DLEU7: variants seen among roughly 807,000 people sequenced by gnomAD.
DLEU7 encodes the protein deleted in lymphocytic leukemia 7.
DLEU7 carries 17 observed loss-of-function variants against 16.0 expected under a neutral mutation model. The ratio of observed to expected loss-of-function variants is 1.06; its 90% confidence interval spans 0.73 to 1.59. The LOEUF is 1.59. DLEU7 is among the 40% of genes most tolerant of loss of function. The pLI, the probability that DLEU7 is intolerant of heterozygous loss-of-function variation, is 0.00. For missense variants in DLEU7, 308 were observed against 314.9 expected, an observed-to-expected ratio of 0.98 and a Z score of 0.17; for synonymous variants, 113 against 139.8, an observed-to-expected ratio of 0.81 and a Z score of 1.35.
At chr13:50,730,667 G>A (rs962825744) in intron 1 of DLEU7, among the ~76,000 whole-genome samples, 30 of 152,094 alleles carry the variant, frequency 2.0e-4, no homozygotes, top group African/African-American at 7.2e-4. Context: ...AATTTCTGTG[G>A]TTGTGTTTCA....
chr13:50,789,707 G>A (rs1875893766), intron 1 of DLEU7, among the ~76,000 whole-genome samples: 1 of 152,052 alleles, frequency 6.6e-6, no homozygotes, highest in Admixed American at 6.5e-5. Context: ...ATTATAGAAT[G>A]TTAGCCCTAT....
rs372108334 is a variant in DLEU7 at position 50,833,843 on chromosome 13, T to C, written c.459+9345A>G. On this transcript the variant is annotated intron_variant, in intron 1 of 1. Coordinates refer to ENST00000504404, the MANE Select transcript of DLEU7 (RefSeq NM_001306135.2). ...CATGGTACTGGTACCAAAACAGATA[T>C]ATAGACAAATGGAACAGAACAGAGG... is the stretch of plus-strand genomic sequence containing the variant. Among the ~76,000 whole-genome samples, 10 of 152,214 alleles carry C rather than the reference T, an allele frequency of 6.6e-5. No individual in the cohort carries two copies. In the East Asian group the frequency reaches 1.4e-3, roughly 21 times the overall value.
At chr13:50,738,011 T>C (rs185385968) in intron 1 of DLEU7, among the ~76,000 whole-genome samples, 146 of 152,260 alleles carry the variant, frequency 9.6e-4, no homozygotes, top group African/African-American at 3.4e-3. Context: ...AAGAAAGTGA[T>C]TGCTTATTGC....
intron 1 of DLEU7, among the ~76,000 whole-genome samples, chr13:50,752,348 GC>G (rs1874595081): frequency 6.6e-6 from 1 of 152,026 alleles, no homozygotes; most frequent in Non-Finnish European, 1.5e-5. Context: ...ACCGTGCCAG[GC>G]CTTTTTTAGT....
At chr13:50,767,178 G>A (rs552091497) in intron 1 of DLEU7, among the ~76,000 whole-genome samples, 100 of 152,192 alleles carry the variant, frequency 6.6e-4, no homozygotes, top group African/African-American at 2.0e-3. Context: ...AGACGTGGCC[G>A]GGCGCGGTGG....
At chr13:50,826,255 A>G (rs75018801) in intron 1 of DLEU7, among the ~76,000 whole-genome samples, 2,693 of 152,260 alleles carry the variant, frequency 0.018, 78 homozygotes, top group African/African-American at 0.062. Context: ...GGTTCCTAAC[A>G]GGCCACAGAC....
In DLEU7 at chr13:50,823,332, C is replaced by T. The variant is rs1284483438; in HGVS notation, c.648G>A (p.Gln216=). 6.5e-7 allele frequency: 1 copy of T among 1,535,584 alleles called. No individual in the cohort carries two copies. Among genetic ancestry groups the T allele is most frequent in the Non-Finnish European group, 8.7e-7 (1 of 1,146,594 alleles). ...VACASLRQIL[Q]NLPDI ...TTAACACTCATATGTCTGGGAGATT[C>T]TGTAAGATCTGTCTCAAGGAAGCAC... The change falls in exon 2 of 2, where the codon CAG becomes CAA. Residue 216 remains glutamine (Q), a synonymous_variant. Transcript: ENST00000504404.
chr13:50,818,002 G>A (rs144597874), downstream of DLEU7, among the ~76,000 whole-genome samples: 309 of 152,224 alleles, frequency 2.0e-3, no homozygotes, highest in African/African-American at 6.9e-3. Context: ...ATAAGAAAAT[G>A]TGTTTCCACC....
At chr13:50,810,664 G>A (rs1273148785) in intron 1 of DLEU7, among the ~76,000 whole-genome samples, 1 of 152,104 alleles carries the variant, frequency 6.6e-6, no homozygotes, top group Non-Finnish European at 1.5e-5. Context: ...ACACAGAGGT[G>A]TTTTGTTGTG....
At chr13:50,810,060 A>G (rs1876518791) in intron 1 of DLEU7, among the ~76,000 whole-genome samples, 1 of 150,752 alleles carries the variant, frequency 6.6e-6, no homozygotes, top group African/African-American at 2.4e-5. Context: ...TTTCTGCTTC[A>G]TATTTTAAGA....
chr13:50,761,333 G>A (rs1316867665), intron 1 of DLEU7, among the ~76,000 whole-genome samples: 7 of 152,220 alleles, frequency 4.6e-5, no homozygotes, highest in Admixed American at 2.6e-4. Flanking sequence ...GAAGGGGGAC[G>A]AATTGTTTTA....
chr13:50,727,174 A>AC (rs1249190190), intron 1 of DLEU7, among the ~76,000 whole-genome samples: 1 of 151,936 alleles, frequency 6.6e-6, no homozygotes, highest in Non-Finnish European at 1.5e-5. Flanking sequence ...GCTAAGTGTT[A>AC]CCCAAAAAAA....
At chr13:50,765,370 A>C (rs1438041681) in intron 1 of DLEU7, among the ~76,000 whole-genome samples, 5 of 152,194 alleles carry the variant, frequency 3.3e-5, no homozygotes, top group African/African-American at 1.2e-4. Flanking sequence ...TGAAGGGTGC[A>C]GACAGGGGAA....
chr13:50,718,187 G>A (rs566964909), intron 1 of DLEU7, among the ~76,000 whole-genome samples: 1 of 152,230 alleles, frequency 6.6e-6, no homozygotes, highest in Non-Finnish European at 1.5e-5. Flanking sequence ...CTGATGAAAA[G>A]ACAACAATCG....
chr13:50,798,278 T>C lies in DLEU7; in HGVS notation c.459+44910A>G, dbSNP rs555291555. ...TCATTCAAAATAAATAGCACATATATGTGTACAACACAATATGGGTGGCGC... is the reference window on the plus strand; with the variant it reads ...TCATTCAAAATAAATAGCACATATACGTGTACAACACAATATGGGTGGCGC... On this transcript the variant is annotated intron_variant, in intron 1 of 1. Transcript: ENST00000400393. Among the ~76,000 whole-genome samples, 5 of 152,354 alleles carry C rather than the reference T, an allele frequency of 3.3e-5. No homozygotes were observed. In the South Asian group the frequency reaches 8.3e-4, roughly 25 times the overall value.
chr13:50,727,202 C>A (rs75302211), intron 1 of DLEU7, among the ~76,000 whole-genome samples: 1 of 147,388 alleles, frequency 6.8e-6, no homozygotes, highest in African/African-American at 2.6e-5. Flanking sequence ...AAGTTCTGTA[C>A]GCTCTTGCAT....
chr13:50,750,236 A>G (rs140839013), intron 1 of DLEU7, among the ~76,000 whole-genome samples: 1,777 of 152,152 alleles, frequency 0.012, 27 homozygotes, highest in Non-Finnish European at 0.017. Context: ...TTGAAGATCA[A>G]TTGGCTATAA....
chr13:50,820,577 G>A (rs1452832521), downstream of DLEU7, among the ~76,000 whole-genome samples: 3 of 152,196 alleles, frequency 2.0e-5, no homozygotes, highest in East Asian at 5.8e-4. Context: ...ATGCTCTTCT[G>A]ATGGCTTCCA....
chr13:50,771,585 T>G (rs1253401692), intron 1 of DLEU7, among the ~76,000 whole-genome samples: 1 of 152,236 alleles, frequency 6.6e-6, no homozygotes, highest in Non-Finnish European at 1.5e-5. Flanking sequence ...TGAGTGAGTT[T>G]CTTAATCCTG....
Sources: allele counts gnomAD v4.1 joint callset (sites outside exome capture counted in the v4.1 genomes callset), GRCh38; gene constraint gnomAD v4.1.1; transcripts MANE v1.5; gene names NCBI Gene and HGNC (gene_info 2026-07-23, HGNC 2026-07-21).